Variants in UGGT1 observed in about 807,000 individuals in gnomAD.
UGGT1 encodes the protein UDP-glucose:glycoprotein glucosyltransferase 1.
In UGGT1, 107 loss-of-function variants were observed where a neutral mutation model predicts 203.9. The observed-to-expected ratio is 0.52, with a 90% CI of 0.45 to 0.62. The LOEUF is 0.62. Among genes scored for constraint, UGGT1 ranks in the 20% least tolerant of loss-of-function variants. The pLI is 0.00. For synonymous variants in UGGT1, 628 were observed against 653.5 expected (o/e 0.96, Z 0.59); for missense variants, 1,673 against 1,867.2 (o/e 0.90, Z 1.92).
In UGGT1 at chr2:128,097,575, A is replaced by G. The variant is rs1558745731; in HGVS notation, c.194+11A>G. On this transcript the variant is annotated intron_variant, in intron 2 of 40. Coordinates refer to ENST00000259253, the MANE Select transcript of UGGT1 (RefSeq NM_020120.4). ...GTTGTTAGAAGCCAGGTAAGAGAAC[A>G]TTTTTTTTCCCTTCGTGTATTTGAG... 1.9e-6 allele frequency: 3 copies of G among 1,612,848 alleles called. No homozygotes were observed. Among genetic ancestry groups the G allele is most frequent in the East Asian group, 2.2e-5 (1 of 44,842 alleles).
At chr2:128,149,789 A>C (rs1398580988) in intron 18 of UGGT1, among the ~76,000 whole-genome samples, 1 of 143,988 alleles carries the variant, frequency 6.9e-6, no homozygotes, top group Non-Finnish European at 1.5e-5. Context: ...CCGTCTCAAG[A>C]AAAAAAAAAA....
chr2:128,099,641 T>C (rs1687275304), intron 2 of UGGT1, among the ~76,000 whole-genome samples: 1 of 152,236 alleles, frequency 6.6e-6, no homozygotes, highest in Admixed American at 6.5e-5. Context: ...GACTTTCTGC[T>C]AAATAGACTT....
At chr2:128,118,919 C>T (rs994351824) in intron 8 of UGGT1, among the ~76,000 whole-genome samples, 1 of 152,108 alleles carries the variant, frequency 6.6e-6, no homozygotes, top group African/African-American at 2.4e-5. Flanking sequence ...ATCTGCCCAC[C>T]TTGGCCTCCC....
chr2:128,184,533 A>G (rs2104830913), intron 38 of UGGT1, among the ~76,000 whole-genome samples: 1 of 152,264 alleles, frequency 6.6e-6, no homozygotes, highest in East Asian at 1.9e-4. Flanking sequence ...CTCCCTAACA[A>G]AAGTGTCTAG....
At chr2:128,131,923 G>A (rs774187331) in intron 13 of UGGT1, among the ~76,000 whole-genome samples, 12 of 151,880 alleles carry the variant, frequency 7.9e-5, no homozygotes, top group East Asian at 1.9e-4. Flanking sequence ...CACCACACCC[G>A]GCAGTACTGC....
Position 128,159,584 on chromosome 2 carries a change from A to G in UGGT1, c.2426A>G (p.Gln809Arg). The change falls in exon 23 of 41, where the codon CAG (glutamine) becomes CGG (arginine). Residue 809 changes from glutamine (Q) to arginine (R), a missense_variant. By Grantham distance (43) the Gln-to-Arg change is conservative (BLOSUM62 1). Coordinates refer to ENST00000259253, the MANE Select transcript of UGGT1 (RefSeq NM_020120.4). Reference sequence around the variant, plus strand: ...AAAGAGATAAGCTATGAGAACACTCAGATCTCCAGAGCAATCTGGGCAGCT... The same window carrying G: ...AAAGAGATAAGCTATGAGAACACTCGGATCTCCAGAGCAATCTGGGCAGCT... Reference protein sequence around the residue: ...PAKEISYENTQISRAIWAALQ... With the variant: ...PAKEISYENTRISRAIWAALQ... The G allele has an allele frequency of 6.2e-7, 1 of 1,614,226 alleles. No homozygotes were observed. Among genetic ancestry groups the G allele is most frequent in the Non-Finnish European group, 8.5e-7 (1 of 1,180,026 alleles).
intron 17 of UGGT1, 143 bp downstream of exon 17, chr2:128,143,368 T>C: frequency 3.0e-6 from 3 of 985,214 alleles, no homozygotes; most frequent in Non-Finnish European, 4.2e-6. Context: ...CCAGATCACT[T>C]TTCAGTGTTT....
chr2:128,166,995 T>G (rs1163102925), intron 26 of UGGT1, among the ~76,000 whole-genome samples: 1 of 152,228 alleles, frequency 6.6e-6, no homozygotes, highest in East Asian at 1.9e-4. Flanking sequence ...CCTCTCTGTT[T>G]GCACTGGTTG....
chr2:128,136,921 G>T (rs1055529124), intron 15 of UGGT1, among the ~76,000 whole-genome samples: 6 of 152,194 alleles, frequency 3.9e-5, no homozygotes, highest in Non-Finnish European at 7.3e-5. Flanking sequence ...GTGTGTGGTG[G>T]TATGTCATTG....
Position 128,109,672 on chromosome 2 carries a change from G to C in UGGT1, c.447G>C (p.Ser149=). Residue 149 remains serine (S), a synonymous_variant, in exon 5 of 41, where the codon TCG becomes TCC. Coordinates refer to ENST00000259253, the MANE Select transcript of UGGT1 (RefSeq NM_020120.4). ...AACCTCCACCAGAAGGATGTAATTC[G>C]TTTTTTTCAGTGCATGGAAAGAAGA... ...ADEPPPEGCN[S]FFSVHGKKTC... 3 of 1,613,996 alleles carry C rather than the reference G, an allele frequency of 1.9e-6. No homozygotes were observed. The highest frequency in any genetic ancestry group is 2.2e-5 in the South Asian group (2 of 91,082).
intron 13 of UGGT1, among the ~76,000 whole-genome samples, chr2:128,130,941 A>G (rs989905925): frequency 1.3e-5 from 2 of 152,002 alleles, no homozygotes; most frequent in African/African-American, 2.4e-5. Context: ...TTAATATTCT[A>G]AAAATTTGAG....
chr2:128,146,624 C>T (rs1159690138), intron 18 of UGGT1, among the ~76,000 whole-genome samples: 4 of 151,798 alleles, frequency 2.6e-5, no homozygotes, highest in East Asian at 1.9e-4. Context: ...GTCTTTTGAA[C>T]GGTACAATTC....
rs772169758 is a variant in UGGT1, at chr2:128,172,781, C to T, written c.3294+19C>T. 2.5e-6 allele frequency: 4 copies of T among 1,601,508 alleles called. No individual in the cohort carries two copies. Among genetic ancestry groups the T allele is most frequent in the East Asian group, 4.5e-5 (2 of 44,716 alleles). On this transcript the variant is annotated intron_variant, in intron 29 of 40. Coordinates refer to ENST00000259253, the MANE Select transcript of UGGT1 (RefSeq NM_020120.4). ...AGAAGAGGTAAGACCATATCTATTG[C>T]TTCCAAATACCTAATCATGTATAAT...
chr2:128,186,453 A>C (rs1470291584), intron 38 of UGGT1, among the ~76,000 whole-genome samples: 1 of 152,102 alleles, frequency 6.6e-6, no homozygotes, highest in African/African-American at 2.4e-5. Context: ...GTAAAAATAC[A>C]AAAATTGGCC....
intron 38 of UGGT1, 118 bp downstream of exon 38, chr2:128,183,907 A>AT: frequency 4.3e-6 from 2 of 462,354 alleles, no homozygotes; most frequent in East Asian, 4.7e-5. Flanking sequence ...TTGTTTTTTC[A>AT]TGGTGTGTGT....
intron 5 of UGGT1, among the ~76,000 whole-genome samples, chr2:128,112,793 A>G (rs1211292377): frequency 6.6e-6 from 1 of 151,820 alleles, no homozygotes; most frequent in Non-Finnish European, 1.5e-5. Flanking sequence ...TATGTTGCCC[A>G]GGCTTTGTCT....
chr2:128,120,855 C>T (rs1022803516), intron 9 of UGGT1, among the ~76,000 whole-genome samples: 3 of 152,120 alleles, frequency 2.0e-5, no homozygotes, highest in Admixed American at 6.5e-5. Flanking sequence ...TTTTCCCCAA[C>T]GTCATTTACT....
chr2:128,166,801 C>G (rs1690816065), intron 26 of UGGT1, among the ~76,000 whole-genome samples: 2 of 152,184 alleles, frequency 1.3e-5, no homozygotes, highest in Admixed American at 1.3e-4. Context: ...CTGATTGTGC[C>G]TCGGAATCCC....
chr2:128,151,605 C>T (rs1437888607), intron 18 of UGGT1, among the ~76,000 whole-genome samples: 1 of 152,190 alleles, frequency 6.6e-6, no homozygotes, highest in East Asian at 1.9e-4. Context: ...TGATTCACAT[C>T]TTTTATCTTG....
Sources: allele counts gnomAD v4.1 joint callset (sites outside exome capture counted in the v4.1 genomes callset), GRCh38; gene constraint gnomAD v4.1.1; transcripts MANE v1.5; gene names NCBI Gene and HGNC (gene_info 2026-07-23, HGNC 2026-07-21).